The following SLC24A2 variants were observed in gnomAD, a reference collection of about 807,000 sequenced individuals.
SLC24A2 encodes the protein solute carrier family 24 member 2, also known as sodium/potassium/calcium exchanger 2.
SLC24A2 carries 36 observed loss-of-function variants against 62.0 expected under a neutral mutation model. The ratio of observed to expected loss-of-function variants is 0.58; its 90% confidence interval spans 0.44 to 0.77. The LOEUF (loss-of-function observed/expected upper bound fraction) is 0.77. SLC24A2 is among the 30% of genes least tolerant of loss of function. SLC24A2 has a pLI of 0.00. For missense variants in SLC24A2, 846 were observed against 817.9 expected (o/e 1.03, Z -0.42); for synonymous variants, 358 against 294.0 (o/e 1.22, Z -2.23).
At chr9:19,644,518 G>A (rs145830914) in intron 2 of SLC24A2, among the ~76,000 whole-genome samples, 46 of 152,304 alleles carry the variant, frequency 3.0e-4, no homozygotes, top group Admixed American at 2.9e-3. Flanking sequence ...CTTGCCCAGT[G>A]CGTATGATTG....
the SLC24A2 span, among the ~76,000 whole-genome samples, chr9:20,058,482 A>G: frequency 8.0e-6 from 1 of 124,488 alleles, no homozygotes; most frequent in Admixed American, 8.6e-5. Context: ...ATACAAACCC[A>G]TGCCCTTCAT....
chr9:19,949,511 C>G, the SLC24A2 span, among the ~76,000 whole-genome samples: 3 of 152,160 alleles, frequency 2.0e-5, no homozygotes, highest in Non-Finnish European at 2.9e-5. Context: ...AGTTGCCTCA[C>G]CAATCTATAT....
chr9:20,059,367 T>A, the SLC24A2 span, among the ~76,000 whole-genome samples: 1 of 152,222 alleles, frequency 6.6e-6, no homozygotes, highest in South Asian at 2.1e-4. Flanking sequence ...CATGTCTACA[T>A]GGAATATTTT....
At chr9:19,974,734 C>G in the SLC24A2 span, among the ~76,000 whole-genome samples, 1 of 152,262 alleles carries the variant, frequency 6.6e-6, no homozygotes, top group African/African-American at 2.4e-5. Flanking sequence ...ATTTTTGGAT[C>G]CTTCTAGAGC....
intron 5 of SLC24A2, among the ~76,000 whole-genome samples, chr9:19,579,512 C>T (rs1254566998): frequency 6.6e-6 from 1 of 152,128 alleles, no homozygotes; most frequent in East Asian, 1.9e-4. Context: ...GGAGATGATG[C>T]TTCTTCTAAT....
At chr9:19,749,266 T>A (rs151251753) in intron 2 of SLC24A2, among the ~76,000 whole-genome samples, 2,445 of 152,218 alleles carry the variant, frequency 0.016, 40 homozygotes, top group Non-Finnish European at 0.023. Flanking sequence ...ACATTTCATT[T>A]ATTTTGGCTT....
intron 7 of SLC24A2, among the ~76,000 whole-genome samples, chr9:19,563,709 T>TGTCGCCTAGGC (rs1563968510): frequency 2.9e-5 from 4 of 140,236 alleles, no homozygotes; most frequent in African/African-American, 1.3e-4. Flanking sequence ...TTACTTCCTT[T>TGTCGCCTAGGC]TCCAACAATC....
the SLC24A2 span, among the ~76,000 whole-genome samples, chr9:20,036,233 G>A: frequency 2.0e-5 from 3 of 152,066 alleles, no homozygotes; most frequent in African/African-American, 7.2e-5. Flanking sequence ...TATTTATGAG[G>A]CACAAAGTGA....
At chr9:19,581,938 G>A (rs1249100152) in intron 5 of SLC24A2, among the ~76,000 whole-genome samples, 2 of 152,150 alleles carry the variant, frequency 1.3e-5, no homozygotes, top group African/African-American at 2.4e-5. Context: ...CCCTTAAAGT[G>A]TTGTATTTTT....
intron 2 of SLC24A2, among the ~76,000 whole-genome samples, chr9:19,674,205 T>C (rs1819500784): frequency 6.6e-6 from 1 of 152,208 alleles, no homozygotes; most frequent in Non-Finnish European, 1.5e-5. Context: ...CCTGATCTAT[T>C]CTAGATTGTA....
chr9:19,853,680 C>CT, the SLC24A2 span, among the ~76,000 whole-genome samples: 1 of 152,054 alleles, frequency 6.6e-6, no homozygotes, highest in African/African-American at 2.4e-5. Flanking sequence ...GGTGGATAAG[C>CT]TTTTTTTATG....
At chr9:19,992,213 C>CG in the SLC24A2 span, among the ~76,000 whole-genome samples, 1 of 151,972 alleles carries the variant, frequency 6.6e-6, no homozygotes, top group African/African-American at 2.4e-5. Flanking sequence ...CTGTATATAC[C>CG]GGGGGGATGT....
intron 2 of SLC24A2, among the ~76,000 whole-genome samples, chr9:19,708,695 C>T (rs1033972436): frequency 2.0e-5 from 3 of 152,182 alleles, no homozygotes; most frequent in Non-Finnish European, 4.4e-5. Context: ...GGAAAACTGG[C>T]TAGCCATATG....
chr9:20,084,468 T>TTTCCTTTCCTTTCCTTCCTTCC, the SLC24A2 span, among the ~76,000 whole-genome samples: 1 of 151,402 alleles, frequency 6.6e-6, no homozygotes, highest in Admixed American at 6.6e-5. Context: ...TCCTTCCTTC[T>TTTCCTTTCCTTTCCTTCCTTCC]TTTCCTTTCC....
At chr9:19,784,623 G>A (rs1239034207) in intron 2 of SLC24A2, among the ~76,000 whole-genome samples, 1 of 152,182 alleles carries the variant, frequency 6.6e-6, no homozygotes, top group Non-Finnish European at 1.5e-5. Context: ...CTTTTTGGCT[G>A]CTAAGTTAGA....
At chr9:20,263,250 C>G in the SLC24A2 span, among the ~76,000 whole-genome samples, 1 of 152,110 alleles carries the variant, frequency 6.6e-6, no homozygotes, top group Non-Finnish European at 1.5e-5. Context: ...GAATCCTTTT[C>G]TTTTTGGTGG....
At chr9:19,722,970 A>T (rs1456204457) in intron 2 of SLC24A2, among the ~76,000 whole-genome samples, 1 of 152,108 alleles carries the variant, frequency 6.6e-6, no homozygotes, top group African/African-American at 2.4e-5. Context: ...GTCACCTCTG[A>T]AAGTAATGAA....
the SLC24A2 span, among the ~76,000 whole-genome samples, chr9:19,945,842 C>T: frequency 1.3e-5 from 2 of 152,196 alleles, no homozygotes; most frequent in Admixed American, 6.5e-5. Flanking sequence ...ATATATCCCT[C>T]AGGGACTTGG....
chr9:20,066,689 C>T, the SLC24A2 span, among the ~76,000 whole-genome samples: 3 of 151,978 alleles, frequency 2.0e-5, no homozygotes, highest in East Asian at 5.8e-4. Context: ...GGGAAGTTGC[C>T]CAGCTTAAAA....
Sources: allele counts gnomAD v4.1 joint callset (sites outside exome capture counted in the v4.1 genomes callset), GRCh38; gene constraint gnomAD v4.1.1; transcripts MANE v1.5; gene names NCBI Gene and HGNC (gene_info 2026-07-23, HGNC 2026-07-21).